Variants in PCDHA6 observed in about 807,000 individuals in gnomAD.
PCDHA6 encodes the protein protocadherin alpha 6.
A neutral mutation model predicts 60.3 loss-of-function variants in PCDHA6; 55 were observed. The ratio of observed to expected loss-of-function variants is 0.91; its 90% CI spans 0.73 to 1.14. PCDHA6 has a LOEUF of 1.14. Among genes scored for constraint, PCDHA6 ranks in the 50% most tolerant of loss-of-function variants. The pLI, the probability that PCDHA6 is intolerant of heterozygous loss-of-function variation, is 0.00. For missense variants in PCDHA6, 1,327 were observed against 1,256.5 expected, an observed-to-expected ratio of 1.06 and a Z score of -0.85; for synonymous variants, 652 against 557.9, an observed-to-expected ratio of 1.17 and a Z score of -2.38.
intron 1 of PCDHA6, chr5:140,875,355 T>A: frequency 6.9e-7 from 1 of 1,446,356 alleles, no homozygotes; most frequent in African/African-American, 1.4e-5. Context: ...ATGACTGTGA[T>A]GCTGGAAAAA....
chr5:140,956,009 C>G (rs1479377959), intron 1 of PCDHA6, among the ~76,000 whole-genome samples: 1 of 152,192 alleles, frequency 6.6e-6, no homozygotes, highest in Non-Finnish European at 1.5e-5. Context: ...TATCCTGAGA[C>G]TTTGCTGAAG....
chr5:140,871,522 A>G (rs1554165699), intron 1 of PCDHA6: 1 of 1,549,186 alleles, frequency 6.5e-7, no homozygotes, highest in Non-Finnish European at 8.7e-7. Context: ...TCCACCTATC[A>G]GGAAGTGTAT....
At position 140,857,030 on chromosome 5, in the gene PCDHA6, C is replaced by T. The variant is rs370499942; in HGVS notation, c.2394+26545C>T. The T allele has an allele frequency of 4.7e-5, 75 of 1,596,300 alleles. 6 individuals carry two copies. Among genetic ancestry groups the T allele is most frequent in the Non-Finnish European group, 6.0e-5 (70 of 1,166,132 alleles). ...AGATGTTACAGATAAGGGAAACCCA[C>T]CTATGGTTGGTCACTGCACGGTCCT... On this transcript the variant is annotated intron_variant, in intron 1 of 3. Transcript: ENST00000529310.
intron 1 of PCDHA6, chr5:140,837,051 A>G (rs1246258340): frequency 3.1e-5 from 6 of 195,270 alleles, no homozygotes. Context: ...AAATATTTAC[A>G]TTTCCATATT....
chr5:140,868,927 A>T, intron 1 of PCDHA6: 3 of 1,057,856 alleles, frequency 2.8e-6, no homozygotes, highest in Non-Finnish European at 4.0e-6. Flanking sequence ...AAGTTCATTT[A>T]AAGGTTGGTC....
chr5:141,003,856 ATG>A (rs1554259354), intron 3 of PCDHA6, among the ~76,000 whole-genome samples: 1 of 152,144 alleles, frequency 6.6e-6, no homozygotes, highest in Non-Finnish European at 1.5e-5. Flanking sequence ...CCAGATTTAT[ATG>A]TGTCTGAAAT....
intron 1 of PCDHA6, chr5:140,882,664 A>AT (rs782651285): frequency 6.2e-7 from 1 of 1,614,046 alleles, no homozygotes; most frequent in Admixed American, 1.7e-5. Flanking sequence ...ACCCGCCCAT[A>AT]TTCCCTGAAA....
At chr5:140,967,790 C>T in intron 1 of PCDHA6, 1 of 1,614,188 alleles carries the variant, frequency 6.2e-7, no homozygotes, top group Non-Finnish European at 8.5e-7. Flanking sequence ...TGACCGGGGT[C>T]CAGTGCCCAT....
intron 3 of PCDHA6, among the ~76,000 whole-genome samples, chr5:140,989,478 G>A (rs1319813384): frequency 2.0e-5 from 3 of 152,204 alleles, no homozygotes; most frequent in Admixed American, 6.5e-5. Context: ...CTCCTGGGAG[G>A]TGCTTGAACA....
At chr5:140,927,568 A>T in intron 1 of PCDHA6, 1 of 1,614,174 alleles carries the variant, frequency 6.2e-7, no homozygotes, top group Non-Finnish European at 8.5e-7. Flanking sequence ...TGTGGTGGAC[A>T]CAAATGACAA....
chr5:141,008,731 A>G (rs570212555), intron 3 of PCDHA6, among the ~76,000 whole-genome samples: 88 of 152,328 alleles, frequency 5.8e-4, no homozygotes, highest in Non-Finnish European at 1.0e-3. Flanking sequence ...GTCCAACTAG[A>G]CTGTGAGCAC....
At chr5:140,982,671 G>T in intron 3 of PCDHA6, 108 bp downstream of exon 3, 1 of 1,454,062 alleles carries the variant, frequency 6.9e-7, no homozygotes, top group South Asian at 1.4e-5. Context: ...TTATATTTTT[G>T]TTATTCCCTT....
chr5:140,895,670 G>A (rs551602030), intron 1 of PCDHA6, among the ~76,000 whole-genome samples: 2 of 152,132 alleles, frequency 1.3e-5, no homozygotes, highest in African/African-American at 2.4e-5. Context: ...AGAACATGTA[G>A]TATTTGGTTT....
intron 1 of PCDHA6, among the ~76,000 whole-genome samples, chr5:140,893,943 G>C (rs550475): frequency 0.54 from 81,510 of 151,914 alleles, 22,066 homozygotes; most frequent in African/African-American, 0.61. Flanking sequence ...TGTTAATTCT[G>C]CATGACTTTA....
At chr5:140,872,544 C>T (rs912822292) in intron 1 of PCDHA6, among the ~76,000 whole-genome samples, 1 of 152,126 alleles carries the variant, frequency 6.6e-6, no homozygotes, top group Admixed American at 6.5e-5. Context: ...AGAGGATCCC[C>T]TGAACCCAGG....
intron 1 of PCDHA6, among the ~76,000 whole-genome samples, chr5:140,934,320 T>C (rs910163789): frequency 6.6e-6 from 1 of 152,154 alleles, no homozygotes; most frequent in Non-Finnish European, 1.5e-5. Flanking sequence ...AAATGTCCAA[T>C]CATGAATGTA....
At chr5:140,863,062 G>T (rs62384481) in intron 1 of PCDHA6, 19 of 565,590 alleles carry the variant, frequency 3.4e-5, no homozygotes, top group Non-Finnish European at 5.9e-5. Flanking sequence ...CCCGTTCCAC[G>T]TGGGGCTCTG....
At position 140,895,475 on chromosome 5, in the gene PCDHA6, G is replaced by A. The variant is rs532993154; in HGVS notation, c.2394+64990G>A. Among the ~76,000 whole-genome samples the A allele has an allele frequency of 2.0e-4, 31 of 152,002 alleles. No individual in the cohort carries two copies. The South Asian group carries it at 5.0e-3, about 24-fold the overall frequency. On this transcript the variant is annotated intron_variant, in intron 1 of 3. Coordinates refer to ENST00000529310, the MANE Select transcript of PCDHA6 (RefSeq NM_018909.4). ...TATTGGTCATTTCTTTATCCTCTTC[G>A]GAGAAATACCTATTCAGAACTTTTG...
intron 1 of PCDHA6, among the ~76,000 whole-genome samples, chr5:140,953,994 A>G (rs1464982369): frequency 6.6e-6 from 1 of 151,886 alleles, no homozygotes; most frequent in Non-Finnish European, 1.5e-5. Flanking sequence ...TTTCATGTGT[A>G]CTCATCATTC....
Sources: allele counts gnomAD v4.1 joint callset (sites outside exome capture counted in the v4.1 genomes callset), GRCh38; gene constraint gnomAD v4.1.1; transcripts MANE v1.5; gene names NCBI Gene and HGNC (gene_info 2026-07-23, HGNC 2026-07-21).